Variants in GLT8D1 observed in about 807,000 individuals in gnomAD.
The protein encoded by GLT8D1 is glycosyltransferase 8 domain containing 1.
In GLT8D1, 41 loss-of-function variants were observed where a neutral mutation model predicts 46.2. The observed-to-expected ratio is 0.89, with a 90% CI of 0.69 to 1.15. The LOEUF (loss-of-function observed/expected upper bound fraction) is 1.15, where lower values mean the gene tolerates loss of function less well. Among genes scored for constraint, GLT8D1 ranks in the 50% most tolerant of loss-of-function variants. GLT8D1 has a pLI of 0.00. For missense variants in GLT8D1, 408 were observed against 449.3 expected, an observed-to-expected ratio of 0.91 and a Z score of 0.83; for synonymous variants, 150 against 154.2, an observed-to-expected ratio of 0.97 and a Z score of 0.20.
chr3:52,694,747 G>C lies in GLT8D1; in HGVS notation c.*98C>G, dbSNP rs762565531. The C allele has an allele frequency of 1.2e-6, 1 of 831,586 alleles. No homozygotes were observed. Among genetic ancestry groups the C allele is most frequent in the Non-Finnish European group, 2.1e-6 (1 of 484,958 alleles). 51.5% of individuals were successfully genotyped at this position (831,586 alleles called of 1,614,324 possible). On this transcript the variant is annotated 3_prime_UTR_variant, in exon 10 of 10. Transcript: ENST00000266014. ...GCTGACACATCTTTTTCCATGGCTT[G>C]CTACCGATAGGCATTGAAGCCTAGC...
intron 1 of GLT8D1, among the ~76,000 whole-genome samples, chr3:52,701,946 A>G (rs1036128635): frequency 6.6e-6 from 1 of 152,244 alleles, no homozygotes; most frequent in African/African-American, 2.4e-5. Context: ...TTCTTACTTC[A>G]TCTTCACCCA....
Position 52,700,372 on chromosome 3 carries a change from A to G in GLT8D1, c.17-12T>C. ...GATGATGATGTTTACTGAAATAGAT[A>G]GGGAAAACCTATGTTATACCTCTTT... is the stretch of plus-strand genomic sequence containing the variant. On this transcript the variant is annotated splice_polypyrimidine_tract_variant and intron_variant, in intron 2 of 9. Transcript: ENST00000266014. The G allele has an allele frequency of 6.2e-7, 1 of 1,606,810 alleles. No homozygotes were observed. Among genetic ancestry groups the G allele is most frequent in the East Asian group, 2.2e-5 (1 of 44,838 alleles).
intron 7 of GLT8D1, 135 bp from the exon 8 acceptor site, chr3:52,695,722 T>C (rs1250450170): frequency 1.5e-5 from 10 of 652,582 alleles, no homozygotes; most frequent in South Asian, 5.9e-5. Context: ...CAAGTTAGAA[T>C]AGGAACCTAG....
In GLT8D1 at chr3:52,694,727, CA is replaced by C. The variant is rs2097331065; in HGVS notation, c.*117del. On this transcript the variant is annotated 3_prime_UTR_variant, in exon 10 of 10. Coordinates refer to ENST00000266014, the MANE Select transcript of GLT8D1 (RefSeq NM_018446.4). ...CAGTTTGTCATCTTTACCTAGCTGACACATCTTTTTCCATGGCTTGCTACCG... is the reference window on the plus strand; with the variant it reads ...CAGTTTGTCATCTTTACCTAGCTGACCATCTTTTTCCATGGCTTGCTACCG... 3 of 750,986 alleles carry C rather than the reference CA, an allele frequency of 4.0e-6. No individual in the cohort carries two copies. The East Asian group carries it at 7.9e-5, about 20-fold the overall frequency. 46.5% of individuals were successfully genotyped at this position (750,986 alleles called of 1,614,324 possible).
intron 1 of GLT8D1, chr3:52,700,732 T>C (rs1331589767): frequency 2.9e-6 from 1 of 343,560 alleles, no homozygotes; most frequent in Non-Finnish European, 5.3e-6. Context: ...CTTAGCCTTG[T>C]ACATTATACA....
At chr3:52,698,077 C>T (rs2097335717) in intron 3 of GLT8D1, 143 bp from the exon 4 acceptor site, 1 of 620,066 alleles carries the variant, frequency 1.6e-6, no homozygotes, top group Non-Finnish European at 2.9e-6. Context: ...AGCCCTGAAA[C>T]TTTCCCTGTA....
In GLT8D1 at chr3:52,694,845, T is replaced by C; in HGVS notation, c.1116A>G (p.Ter372TrpextTer4). 1 of 1,602,158 alleles carries C rather than the reference T, an allele frequency of 6.2e-7. No individual in the cohort carries two copies. The highest frequency in any genetic ancestry group is 8.6e-7 in the Non-Finnish European group (1 of 1,169,158). The change falls in exon 10 of 10, where the codon TGA becomes TGG. Residue 372 changes from the stop codon to tryptophan, a stop_lost. Coordinates refer to ENST00000266014, the MANE Select transcript of GLT8D1 (RefSeq NM_018446.4). ...GCTTGCTTACAGTTCAAATTCTGTT[T>C]CACTTTATGTTTGAGATCTCGGTAT... ...RRYTEISNIK[*>W]
Position 52,700,291 on chromosome 3 carries a change from A to G in GLT8D1, c.86T>C (p.Leu29Ser), listed in dbSNP as rs937845946. 6.2e-7 allele frequency: 1 copy of G among 1,613,162 alleles called. No homozygotes were observed. Among genetic ancestry groups the G allele is most frequent in the African/African-American group, 1.3e-5 (1 of 74,902 alleles). The change falls in exon 3 of 10, where the codon TTG (leucine) becomes TCG (serine). Residue 29 changes from leucine to serine, a missense_variant. Transcript: ENST00000266014. The stretch of plus-strand genomic sequence containing the variant: ...AACCTCATTCCTTAACAAACTGCTC[A>G]AGCTGAGGAAGTTATGGTGCAAAAC... The part of the protein sequence containing the change: ...LLVLHHNFLS[L>S]SSLLRNEVTD...
In GLT8D1 at chr3:52,697,861, T is replaced by C; in HGVS notation, c.189A>G (p.Gln63=). 1 of 1,613,694 alleles carries C rather than the reference T, an allele frequency of 6.2e-7. No individual in the cohort carries two copies. Among genetic ancestry groups the C allele is most frequent in the Non-Finnish European group, 8.5e-7 (1 of 1,179,666 alleles). ...NALRHAVDGR[Q]EEIPVVIAAS... is the part of the protein sequence containing the mutation. ...CAGCGATGACCACAGGAATCTCCTCTTGTCTCCCATCTACTGCATGTCGGA... is the reference window on the plus strand; with the variant it reads ...CAGCGATGACCACAGGAATCTCCTCCTGTCTCCCATCTACTGCATGTCGGA... Residue 63 remains glutamine, a synonymous_variant, in exon 4 of 10, where the codon CAA becomes CAG. Coordinates refer to ENST00000266014, the MANE Select transcript of GLT8D1 (RefSeq NM_018446.4).
In GLT8D1 at chr3:52,695,963, A is replaced by G. The variant is rs1479176581; in HGVS notation, c.610T>C (p.Ser204Pro). 4 of 1,611,820 alleles carry G rather than the reference A, an allele frequency of 2.5e-6. No homozygotes were observed. The South Asian group carries it at 4.4e-5, about 18-fold the overall frequency. Residue 204 changes from serine (S) to proline (P), a missense_variant, in exon 7 of 10, where the codon TCT becomes CCT. Transcript: ENST00000266014. ...GCTCCACGGATGACAACTTTAGTAG[A>G]GGCTGAATCACAATCTTCTGAAAAT... ...AAFSEDCDSA[S>P]TKVVIRGAGN...
rs921463089 is a variant in GLT8D1, at chr3:52,694,499, G to A, written c.*346C>T. 2 of 576,702 alleles carry A rather than the reference G, an allele frequency of 3.5e-6. No individual in the cohort carries two copies. Among genetic ancestry groups the A allele is most frequent in the Non-Finnish European group, 6.1e-6 (2 of 327,138 alleles). The allele number at this position is 576,702 out of a possible 1,614,324, so 35.7% of individuals were successfully genotyped here. On this transcript the variant is annotated 3_prime_UTR_variant, in exon 10 of 10. Coordinates refer to ENST00000266014, the MANE Select transcript of GLT8D1 (RefSeq NM_018446.4). ...AAAAAGAAGATACCTATTGAAAAAT[G>A]TAAGTTTTATTTACAGATCAGGCCA... is the stretch of plus-strand genomic sequence containing the variant.
At chr3:52,702,727 T>TA (rs1383034984) in intron 1 of GLT8D1, among the ~76,000 whole-genome samples, 1 of 151,036 alleles carries the variant, frequency 6.6e-6, no homozygotes, top group Non-Finnish European at 1.5e-5. Flanking sequence ...AAATTTTTTT[T>TA]AAAAATGGGA....
In GLT8D1 at chr3:52,696,046, A is replaced by G. The variant is rs1027132400; in HGVS notation, c.533-6T>C. 6.5e-6 allele frequency: 10 copies of G among 1,534,646 alleles called. No homozygotes were observed. Among genetic ancestry groups the G allele is most frequent in the Non-Finnish European group, 9.0e-6 (10 of 1,107,892 alleles). ...GTAAAGGGCAAGAATATCACCTGAA[A>G]TAGACAAGATGTTAAGATTTACATT... On this transcript the variant is annotated splice_polypyrimidine_tract_variant and splice_region_variant and intron_variant, in intron 6 of 9. Coordinates refer to ENST00000266014, the MANE Select transcript of GLT8D1 (RefSeq NM_018446.4).
Position 52,696,032 on chromosome 3 carries a change from G to A in GLT8D1, c.541C>T (p.Leu181Phe). The change falls in exon 7 of 10, where the codon CTT becomes TTT. Residue 181 changes from leucine (L) to phenylalanine (F), a missense_variant. Physicochemically the swap from Leu to Phe is conservative, Grantham distance 22. Transcript: ENST00000266014. ...DDDVIVQGDILALYNTALKPG... is the reference protein window; with the variant it reads ...DDDVIVQGDIFALYNTALKPG... Reference sequence around the variant, plus strand: ...TTCAGTGCTGTATTGTAAAGGGCAAGAATATCACCTGAAATAGACAAGATG... The same window carrying A: ...TTCAGTGCTGTATTGTAAAGGGCAAAAATATCACCTGAAATAGACAAGATG... The A allele has an allele frequency of 6.3e-7, 1 of 1,584,776 alleles. No homozygotes were observed. Among genetic ancestry groups the A allele is most frequent in the Non-Finnish European group, 8.7e-7 (1 of 1,153,614 alleles).
Position 52,695,000 on chromosome 3 carries a change from C to A in GLT8D1, c.961G>T (p.Val321Leu). The change falls in exon 10 of 10, where the codon GTA becomes TTA. Residue 321 changes from valine (V) to leucine (L), a missense_variant. Coordinates refer to ENST00000266014, the MANE Select transcript of GLT8D1 (RefSeq NM_018446.4). ...SAGKRYSPQF[V>L]KAAKLLHWNG... ...CAATGGAGTAACTTGGCAGCCTTTA[C>A]AAACTGAGGTGAATATCGTTTTCCA... The A allele has an allele frequency of 6.2e-7, 1 of 1,612,922 alleles. No homozygotes were observed. The highest frequency in any genetic ancestry group is 8.5e-7 in the Non-Finnish European group (1 of 1,178,876).
intron 7 of GLT8D1, 104 bp from the exon 8 acceptor site, chr3:52,695,691 G>T: frequency 1.4e-6 from 1 of 720,318 alleles, no homozygotes; most frequent in South Asian, 1.8e-5. Context: ...CTTCAGATTA[G>T]AAAATAAATA....
intron 1 of GLT8D1, 31 bp downstream of exon 1, chr3:52,705,416 A>G (rs1481582378): frequency 6.6e-6 from 1 of 152,434 alleles, no homozygotes; most frequent in Non-Finnish European, 1.5e-5. Context: ...TAGCCCCCCT[A>G]AATTCCAAGG....
Position 52,695,588 on chromosome 3 carries a change from C to T in GLT8D1, c.646-1G>A, listed in dbSNP as rs1008514626. The T allele has an allele frequency of 6.4e-7, 1 of 1,569,146 alleles. No individual in the cohort carries two copies. Among genetic ancestry groups the T allele is most frequent in the Non-Finnish European group, 8.8e-7 (1 of 1,140,376 alleles). ...AGTCAAGATAGCCAATGTAATTGTACTAAAAACACAAATAGGATATATGTA... is the reference window on the plus strand; with the variant it reads ...AGTCAAGATAGCCAATGTAATTGTATTAAAAACACAAATAGGATATATGTA... On this transcript the variant is annotated splice_acceptor_variant, in intron 7 of 9. Coordinates refer to ENST00000266014, the MANE Select transcript of GLT8D1 (RefSeq NM_018446.4). LOFTEE classifies it high-confidence loss of function.
chr3:52,700,016 T>A (rs924402343), intron 3 of GLT8D1, among the ~76,000 whole-genome samples: 1 of 152,230 alleles, frequency 6.6e-6, no homozygotes, highest in Admixed American at 6.5e-5. Flanking sequence ...AGAGCAGGCA[T>A]CAAACACCAA....
Sources: gnomAD v4.1 joint callset for allele counts (sites outside exome capture counted in the v4.1 genomes callset) on GRCh38, gnomAD v4.1.1 for gene constraint, MANE v1.5 for transcripts, NCBI Gene and HGNC (gene_info 2026-07-23, HGNC 2026-07-21) for gene names.